Variants in AHCYL2 observed in about 807,000 individuals in gnomAD.
AHCYL2 encodes the protein S-adenosylhomocysteine hydrolase-like protein 2.
AHCYL2 carries 28 observed loss-of-function variants against 81.4 expected under a neutral mutation model. The ratio of observed to expected loss-of-function variants is 0.34; its 90% confidence interval spans 0.25 to 0.47. The LOEUF is 0.47. Ranked by LOEUF, AHCYL2 falls within the 20% of genes least tolerant of loss-of-function variation. AHCYL2 has a pLI of 1.00. For missense variants in AHCYL2, 551 were observed against 785.1 expected, an observed-to-expected ratio of 0.70 and a Z score of 3.56; for synonymous variants, 272 against 290.2, an observed-to-expected ratio of 0.94 and a Z score of 0.64.
chr7:129,253,531 C>T (rs1308016659), intron 1 of AHCYL2, among the ~76,000 whole-genome samples: 1 of 152,208 alleles, frequency 6.6e-6, no homozygotes, highest in Non-Finnish European at 1.5e-5. Flanking sequence ...ATGCAAATGG[C>T]AAACACTGTA....
At chr7:129,392,003 G>GT (rs1232579551) in intron 4 of AHCYL2, among the ~76,000 whole-genome samples, 2 of 152,188 alleles carry the variant, frequency 1.3e-5, no homozygotes, top group Admixed American at 1.3e-4. Context: ...GCTTAAAATA[G>GT]TAAGTGCTTC....
chr7:129,414,254 T>TCA (rs2150954546), intron 12 of AHCYL2, among the ~76,000 whole-genome samples: 1 of 152,260 alleles, frequency 6.6e-6, no homozygotes, highest in Admixed American at 6.5e-5. Flanking sequence ...TCTGCAGGTG[T>TCA]CATAATCAAT....
chr7:129,241,997 CT>C (rs1354185270), intron 1 of AHCYL2, among the ~76,000 whole-genome samples: 2 of 152,012 alleles, frequency 1.3e-5, no homozygotes, highest in Non-Finnish European at 2.9e-5. Context: ...ATGTTTAGTA[CT>C]TTTGCTATAT....
chr7:129,378,521 C>T (rs1794800103), intron 1 of AHCYL2, among the ~76,000 whole-genome samples: 1 of 152,160 alleles, frequency 6.6e-6, no homozygotes, highest in Non-Finnish European at 1.5e-5. Flanking sequence ...GAGGTAAGTA[C>T]TTTTATCTCT....
In AHCYL2 at chr7:129,406,583, C is replaced by A; in HGVS notation, c.1295+117C>A. On this transcript the variant is annotated intron_variant, in intron 10 of 16. Transcript: ENST00000325006. This position sits in a 1 kb window ranked among gnomAD's most constrained non-coding sequence, Gnocchi z 4.3. Reference sequence around the variant, plus strand: ...AGATCCTCAGAGATGCTGCCACTAACTCTAAGCATCTGTCTTTTAAAAAGG... The same window carrying A: ...AGATCCTCAGAGATGCTGCCACTAAATCTAAGCATCTGTCTTTTAAAAAGG... The A allele has an allele frequency of 2.1e-6, 2 of 940,540 alleles. No individual in the cohort carries two copies. The highest frequency in any genetic ancestry group is 2.8e-5 in the South Asian group (2 of 70,428). The allele number at this position is 940,540 out of a possible 1,614,324, so 58.3% of individuals were successfully genotyped here.
At chr7:129,425,307 AT>A (rs1364014328) in intron 15 of AHCYL2, among the ~76,000 whole-genome samples, 166 bp downstream of exon 15, 1 of 151,474 alleles carries the variant, frequency 6.6e-6, no homozygotes, top group Non-Finnish European at 1.5e-5. Context: ...TATTTATCCC[AT>A]TTTCTACATG....
intron 1 of AHCYL2, among the ~76,000 whole-genome samples, chr7:129,289,372 G>A (rs143575951): frequency 3.3e-5 from 5 of 152,312 alleles, no homozygotes; most frequent in East Asian, 1.9e-4. Flanking sequence ...GATTGCGGGC[G>A]CAAGCCACCT....
chr7:129,398,631 G>C (rs571228121), intron 5 of AHCYL2, among the ~76,000 whole-genome samples: 2 of 146,488 alleles, frequency 1.4e-5, no homozygotes, highest in South Asian at 2.2e-4. Context: ...TGCCTGCCTC[G>C]GCCTCCCAAA....
chr7:129,305,495 A>G (rs117817029), intron 1 of AHCYL2, among the ~76,000 whole-genome samples: 1 of 152,094 alleles, frequency 6.6e-6, no homozygotes, highest in Non-Finnish European at 1.5e-5. Context: ...AACACTTTAT[A>G]CTTTAACTTC....
chr7:129,387,985 G>T (rs1795278252), intron 2 of AHCYL2: 1 of 152,172 alleles, frequency 6.6e-6, no homozygotes. Context: ...CCTCGCAGAG[G>T]TAGACCCTTT....
At chr7:129,308,934 A>G (rs560840816) in intron 1 of AHCYL2, among the ~76,000 whole-genome samples, 15 of 152,296 alleles carry the variant, frequency 9.8e-5, no homozygotes, top group African/African-American at 3.4e-4. Context: ...TGAATTAAAA[A>G]TATTTATGGT....
Position 129,255,582 on chromosome 7 carries a change from A to G in AHCYL2, c.363+30143A>G, listed in dbSNP as rs551648769. Reference sequence around the variant, plus strand: ...TTTACATGAATGTGTGTGTGTGTGTATGTGCGTGTGTGCGTGCGCACGCGC... The same window carrying G: ...TTTACATGAATGTGTGTGTGTGTGTGTGTGCGTGTGTGCGTGCGCACGCGC... On this transcript the variant is annotated intron_variant, in intron 1 of 16. Transcript: ENST00000325006. Among the ~76,000 whole-genome samples, 9 of 152,292 alleles carry G rather than the reference A, an allele frequency of 5.9e-5. No individual in the cohort carries two copies. The South Asian group carries it at 8.3e-4, about 14-fold the overall frequency.
chr7:129,262,008 T>G (rs372290660), intron 1 of AHCYL2, among the ~76,000 whole-genome samples: 3 of 152,092 alleles, frequency 2.0e-5, no homozygotes, highest in East Asian at 3.9e-4. Context: ...TAGAAGGGCC[T>G]GTCTCATATT....
At chr7:129,375,883 A>G (rs1408337815) in intron 1 of AHCYL2, 5 of 1,535,992 alleles carry the variant, frequency 3.3e-6, no homozygotes, top group Admixed American at 3.9e-5. Flanking sequence ...CTGGGCAGCA[A>G]GAAGAAATAC....
At chr7:129,370,611 T>TG (rs1447430274) in intron 1 of AHCYL2, among the ~76,000 whole-genome samples, 5 of 152,126 alleles carry the variant, frequency 3.3e-5, no homozygotes, top group African/African-American at 1.2e-4. Context: ...GGCAGGAGAA[T>TG]AGCATGAACC....
At chr7:129,338,818 C>A (rs1793054750) in intron 1 of AHCYL2, among the ~76,000 whole-genome samples, 1 of 152,090 alleles carries the variant, frequency 6.6e-6, no homozygotes, top group African/African-American at 2.4e-5. Context: ...CCCAATTTGT[C>A]ATTTGTCTTT....
intron 1 of AHCYL2, among the ~76,000 whole-genome samples, chr7:129,252,598 C>T (rs4731567): frequency 0.93 from 141,425 of 152,242 alleles, 66,585 homozygotes; most frequent in East Asian, 1. Flanking sequence ...GAGACCCTAC[C>T]TTTCCAAAAA....
At chr7:129,331,021 C>A (rs954643407) in intron 1 of AHCYL2, among the ~76,000 whole-genome samples, 1 of 152,246 alleles carries the variant, frequency 6.6e-6, no homozygotes, top group East Asian at 1.9e-4. Flanking sequence ...ACCCATTATT[C>A]ACAAGACCAA....
At chr7:129,297,144 A>G (rs1797077644) in intron 1 of AHCYL2, among the ~76,000 whole-genome samples, 1 of 152,216 alleles carries the variant, frequency 6.6e-6, no homozygotes, top group Non-Finnish European at 1.5e-5. Context: ...GGGATGTGAA[A>G]GGTAAAAGGA....
Sources: gnomAD v4.1 joint callset for allele counts (sites outside exome capture counted in the v4.1 genomes callset) on GRCh38, gnomAD v4.1.1 for gene constraint, Gnocchi (gnomAD v3.1) non-coding constraint, MANE v1.5 for transcripts, NCBI Gene and HGNC (gene_info 2026-07-23, HGNC 2026-07-21) for gene names.